The following BBX variants were observed in gnomAD, a reference collection of about 807,000 sequenced individuals.
BBX encodes the protein BBX high mobility group box domain containing, also known as HMG box transcription factor BBX.
BBX carries 30 observed loss-of-function variants against 100.2 expected under a neutral mutation model. That is an observed-to-expected ratio of 0.30 (90% CI 0.22 to 0.41). The LOEUF (loss-of-function observed/expected upper bound fraction) is 0.41. Ranked by LOEUF, BBX falls within the 10% of genes least tolerant of loss-of-function variation. The pLI is 1.00. For synonymous variants in BBX, 376 were observed against 388.1 expected (o/e 0.97, Z 0.37); for missense variants, 1,023 against 1,129.8 (o/e 0.91, Z 1.35).
chr3:107,774,778 A>G lies in BBX; in HGVS notation c.1975A>G (p.Ser659Gly). Reference sequence around the variant, plus strand: ...TCATGAAGGGTGTTGGAATGAAGAAAGCTGGACATTTAGTCAGAGTGGGAC... The same window carrying G: ...TCATGAAGGGTGTTGGAATGAAGAAGGCTGGACATTTAGTCAGAGTGGGAC... ...SDHEGCWNEESWTFSQSGTSG... is the reference protein window; with the variant it reads ...SDHEGCWNEEGWTFSQSGTSG... The change falls in exon 12 of 18, where the codon AGC becomes GGC. Residue 659 changes from serine (S) to glycine (G), a missense_variant. Ser to Gly is a moderately conservative substitution (Grantham distance 56, BLOSUM62 0). Transcript: ENST00000325805. 1 of 1,613,684 alleles carries G rather than the reference A, an allele frequency of 6.2e-7. No homozygotes were observed. Among genetic ancestry groups the G allele is most frequent in the East Asian group, 2.2e-5 (1 of 44,868 alleles).
chr3:107,539,547 C>T (rs1156523316), intron 2 of BBX, among the ~76,000 whole-genome samples: 2 of 152,154 alleles, frequency 1.3e-5, no homozygotes, highest in African/African-American at 4.8e-5. Flanking sequence ...CCAAACAACT[C>T]ACCCCAAATG....
intron 2 of BBX, among the ~76,000 whole-genome samples, chr3:107,640,551 A>G (rs747672001): frequency 2.0e-5 from 3 of 152,030 alleles, no homozygotes; most frequent in Non-Finnish European, 2.9e-5. Flanking sequence ...CCATTTTGAC[A>G]TTTATTACAT....
At chr3:107,728,595 A>G (rs755369462) in intron 5 of BBX, among the ~76,000 whole-genome samples, 170 bp from the exon 6 acceptor site, 1 of 152,212 alleles carries the variant, frequency 6.6e-6, no homozygotes, top group African/African-American at 2.4e-5. Flanking sequence ...TCCATGTCCT[A>G]TCTCTAGAAC....
At chr3:107,527,122 G>C (rs1401637170) in intron 2 of BBX, among the ~76,000 whole-genome samples, 3 of 152,170 alleles carry the variant, frequency 2.0e-5, no homozygotes, top group Non-Finnish European at 2.9e-5. Flanking sequence ...TGGAAAATTT[G>C]TGAGAGGTAA....
In BBX at chr3:107,668,506, T is replaced by C. The variant is rs533603126; in HGVS notation, c.-10+22597T>C. 6.6e-5 allele frequency among the ~76,000 whole-genome samples: 10 copies of C among 152,322 alleles called. No homozygotes were observed. The South Asian group carries it at 1.0e-3, about 16-fold the overall frequency. Reference sequence around the variant, plus strand: ...TGAGCCCGGAGCTGCTCAATAAACATTGGGCTTGCGTTTTCATCCCTTAGT... The same window carrying C: ...TGAGCCCGGAGCTGCTCAATAAACACTGGGCTTGCGTTTTCATCCCTTAGT... On this transcript the variant is annotated intron_variant, in intron 3 of 17. Coordinates refer to ENST00000325805, the MANE Select transcript of BBX (RefSeq NM_001142568.3).
At chr3:107,746,788 T>TAA (rs1452972894) in intron 8 of BBX, among the ~76,000 whole-genome samples, 1 of 152,160 alleles carries the variant, frequency 6.6e-6, no homozygotes, top group African/African-American at 2.4e-5. Flanking sequence ...ACATCACTTT[T>TAA]ATATGTATAA....
chr3:107,739,921 GTTCTGGACT>G (rs2063938623), intron 7 of BBX, among the ~76,000 whole-genome samples: 1 of 152,156 alleles, frequency 6.6e-6, no homozygotes, highest in South Asian at 2.1e-4. Flanking sequence ...CCTGGAGTCT[GTTCTGGACT>G]TTCATACTAG....
At chr3:107,724,635 G>C (rs1224290435) in intron 5 of BBX, among the ~76,000 whole-genome samples, 2 of 152,134 alleles carry the variant, frequency 1.3e-5, no homozygotes, top group African/African-American at 4.8e-5. Flanking sequence ...TGGCTAGCCA[G>C]TTTTCCCAGC....
intron 3 of BBX, among the ~76,000 whole-genome samples, chr3:107,654,339 T>C (rs904455947): frequency 1.3e-5 from 2 of 152,210 alleles, no homozygotes; most frequent in African/African-American, 4.8e-5. Flanking sequence ...ACAAAAGATA[T>C]ATCTTTCTAA....
chr3:107,676,528 T>G (rs2107953936), intron 3 of BBX, among the ~76,000 whole-genome samples: 1 of 152,292 alleles, frequency 6.6e-6, no homozygotes, highest in East Asian at 1.9e-4. Context: ...AGGGCAGCAG[T>G]AACAGTAATT....
rs889989663 is a variant in BBX at position 107,806,814 on chromosome 3, A to G, written c.*1357A>G. On this transcript the variant is annotated 3_prime_UTR_variant, in exon 18 of 18. Transcript: ENST00000325805. ...TCTGAGGCTACAGATTTTACAGGGTATTTGTTCTATAGCACAAAGTATTTC... is the reference window on the plus strand; with the variant it reads ...TCTGAGGCTACAGATTTTACAGGGTGTTTGTTCTATAGCACAAAGTATTTC... 1 of 152,210 alleles carries G rather than the reference A, an allele frequency of 6.6e-6. No individual in the cohort carries two copies. The allele number at this position is 152,210 out of a possible 1,614,324, so 9.4% of individuals were successfully genotyped here.
intron 3 of BBX, among the ~76,000 whole-genome samples, chr3:107,666,417 T>C (rs1232317728): frequency 6.6e-6 from 1 of 152,068 alleles, no homozygotes; most frequent in Non-Finnish European, 1.5e-5. Flanking sequence ...ACTTTTAGCA[T>C]AAAATGAGAA....
At chr3:107,525,149 G>A (rs2047664759) in intron 1 of BBX, among the ~76,000 whole-genome samples, 1 of 148,416 alleles carries the variant, frequency 6.7e-6, no homozygotes, top group Non-Finnish European at 1.5e-5. Context: ...GGCGCCGGGG[G>A]TCCCCGGCGC....
At chr3:107,750,762 A>G (rs890491398) in intron 9 of BBX, among the ~76,000 whole-genome samples, 7 of 152,226 alleles carry the variant, frequency 4.6e-5, no homozygotes, top group Admixed American at 2.0e-4. Context: ...CTATGAGCAT[A>G]TGTATTGCAA....
In BBX at chr3:107,596,589, GCAGAGAAGCAGAC is replaced by G. The variant is rs574463068; in HGVS notation, c.-83-49241_-83-49229del. Among the ~76,000 whole-genome samples the G allele has an allele frequency of 5.9e-5, 9 of 152,280 alleles. No individual in the cohort carries two copies. In the South Asian group the frequency reaches 1.9e-3, roughly 32 times the overall value. On this transcript the variant is annotated intron_variant, in intron 2 of 17. Coordinates refer to ENST00000325805, the MANE Select transcript of BBX (RefSeq NM_001142568.3). ...CACCTTGCAATTTCCTGGCAGAGAT[GCAGAGAAGCAGAC>G]CAGAGCAGCCTCCTGGATCTTGGGG...
intron 2 of BBX, among the ~76,000 whole-genome samples, chr3:107,546,472 AGTT>A (rs1425970875): frequency 3.3e-5 from 5 of 152,202 alleles, no homozygotes; most frequent in Non-Finnish European, 7.4e-5. Context: ...TGATTAAATC[AGTT>A]GTTATTATGT....
intron 5 of BBX, among the ~76,000 whole-genome samples, chr3:107,726,182 TCTC>T (rs2062918205): frequency 1.3e-5 from 2 of 152,050 alleles, no homozygotes; most frequent in African/African-American, 4.8e-5. Flanking sequence ...CTCCTAATAA[TCTC>T]ATCACAACAA....
intron 2 of BBX, among the ~76,000 whole-genome samples, chr3:107,585,516 A>C (rs1269266050): frequency 6.6e-6 from 1 of 152,092 alleles, no homozygotes; most frequent in Non-Finnish European, 1.5e-5. Flanking sequence ...AAAGTCTTTA[A>C]ATTGTTCAAT....
chr3:107,604,141 G>A (rs534025346), intron 2 of BBX, among the ~76,000 whole-genome samples: 24 of 152,256 alleles, frequency 1.6e-4, no homozygotes, highest in African/African-American at 5.8e-4. Flanking sequence ...GCTTGGGGAT[G>A]GGGCCTGGGC....
Sources: gnomAD v4.1 joint callset for allele counts (sites outside exome capture counted in the v4.1 genomes callset) on GRCh38, gnomAD v4.1.1 for gene constraint, MANE v1.5 for transcripts, NCBI Gene and HGNC (gene_info 2026-07-23, HGNC 2026-07-21) for gene names.